Variants in EP300 observed in about 807,000 individuals in gnomAD.
EP300 encodes EP300 lysine acetyltransferase.
A neutral mutation model predicts 264.0 loss-of-function variants in EP300; 31 were observed. The observed-to-expected ratio is 0.12, with a 90% CI of 0.09 to 0.16. EP300 has a LOEUF of 0.16. Among genes scored for constraint, EP300 ranks in the 10% least tolerant of loss-of-function variants. The probability of loss-of-function intolerance (pLI) is 1.00; values close to 1 mark genes in which losing one functional copy is unlikely to be tolerated. For synonymous variants in EP300, 1,340 were observed against 1,045.4 expected (o/e 1.28, Z -5.44); for missense variants, 2,766 against 3,052.9 (o/e 0.91, Z 2.21).
At chr22:41,134,170 T>C (rs2058936636) in intron 6 of EP300, among the ~76,000 whole-genome samples, 2 of 150,920 alleles carry the variant, frequency 1.3e-5, no homozygotes, top group South Asian at 4.2e-4. Flanking sequence ...TTTCTTTTTT[T>C]TTTTTTTTTT....
intron 28 of EP300, among the ~76,000 whole-genome samples, chr22:41,173,050 C>T (rs2145771178): frequency 6.6e-6 from 1 of 152,248 alleles, no homozygotes; most frequent in East Asian, 1.9e-4. Flanking sequence ...AAAAACCATT[C>T]TTAGCTATAC....
intron 18 of EP300, among the ~76,000 whole-genome samples, chr22:41,157,900 C>T (rs2145748751): frequency 6.6e-6 from 1 of 152,258 alleles, no homozygotes; most frequent in South Asian, 2.1e-4. Context: ...GGCATTTTTT[C>T]AGAGTGGCAA....
chr22:41,093,013 G>A lies in EP300; in HGVS notation c.9G>A (p.Glu3=), dbSNP rs2058682150. The change falls in exon 1 of 31, where the codon GAG becomes GAA. Residue 3 remains glutamate (E), a synonymous_variant. Transcript: ENST00000263253. Reference sequence around the variant, plus strand: ...CTCCGAAAGAATTAAAAATGGCCGAGAATGTGGTGGAACCGGGGCCGCCTT... The same window carrying A: ...CTCCGAAAGAATTAAAAATGGCCGAAAATGTGGTGGAACCGGGGCCGCCTT... The part of the protein sequence containing the change: MA[E]NVVEPGPPSA... The A allele has an allele frequency of 6.2e-7, 1 of 1,614,140 alleles. No homozygotes were observed. The highest frequency in any genetic ancestry group is 8.5e-7 in the Non-Finnish European group (1 of 1,180,030).
chr22:41,096,699 A>G (rs772824857), intron 1 of EP300, among the ~76,000 whole-genome samples: 19 of 149,546 alleles, frequency 1.3e-4, no homozygotes, highest in African/African-American at 2.5e-4. Flanking sequence ...GCTCACTGCA[A>G]TCTCAACCTC....
intron 1 of EP300, among the ~76,000 whole-genome samples, chr22:41,098,401 T>G (rs2058713596): frequency 6.6e-6 from 1 of 152,236 alleles, no homozygotes; most frequent in Admixed American, 6.5e-5. Flanking sequence ...AGACGGAGTC[T>G]CGCTCTGTCG....
intron 11 of EP300, among the ~76,000 whole-genome samples, chr22:41,147,167 G>T (rs59568053): frequency 4.6e-5 from 7 of 151,958 alleles, no homozygotes; most frequent in Non-Finnish European, 7.4e-5. Context: ...TTAGCCGGTT[G>T]TAGTGGCACG....
intron 19 of EP300, 62 bp from the exon 20 acceptor site, chr22:41,160,580 T>A: frequency 6.4e-7 from 1 of 1,556,792 alleles, no homozygotes; most frequent in Middle Eastern, 1.7e-4. Flanking sequence ...GCTTCGTTGC[T>A]TGGCTTGGGC....
At chr22:41,148,820 C>T in intron 12 of EP300, 2 of 597,058 alleles carry the variant, frequency 3.3e-6, no homozygotes, top group South Asian at 4.0e-5. Flanking sequence ...TTGGAGTAGG[C>T]CTAGGTAAAC....
intron 20 of EP300, among the ~76,000 whole-genome samples, chr22:41,161,566 G>A (rs1043649197): frequency 1.3e-5 from 2 of 152,168 alleles, no homozygotes; most frequent in African/African-American, 2.4e-5. Context: ...GCAGTGAGCT[G>A]AGATTGGGCC....
chr22:41,112,445 C>T (rs2058797715), intron 1 of EP300, among the ~76,000 whole-genome samples: 1 of 151,912 alleles, frequency 6.6e-6, no homozygotes, highest in Non-Finnish European at 1.5e-5. Flanking sequence ...GTGATCTGCC[C>T]ACCTTGGCCT....
chr22:41,123,264 GT>G (rs2058862238), intron 2 of EP300, among the ~76,000 whole-genome samples: 1 of 152,164 alleles, frequency 6.6e-6, no homozygotes, highest in South Asian at 2.1e-4. Context: ...ATGTGCTACT[GT>G]TCAGTTGTAG....
chr22:41,125,194 C>G (rs1328648820), intron 2 of EP300, among the ~76,000 whole-genome samples: 1 of 146,436 alleles, frequency 6.8e-6, no homozygotes, highest in Non-Finnish European at 1.5e-5. Flanking sequence ...TCTCGGCTCA[C>G]TGCAAGCTCC....
At chr22:41,147,481 T>G (rs1353764316) in intron 11 of EP300, among the ~76,000 whole-genome samples, 1 of 152,160 alleles carries the variant, frequency 6.6e-6, no homozygotes, top group East Asian at 1.9e-4. Flanking sequence ...CTCACGCCTG[T>G]AATCCCAGCA....
chr22:41,172,899 TA>T (rs1055880940), intron 28 of EP300, among the ~76,000 whole-genome samples: 10 of 152,194 alleles, frequency 6.6e-5, no homozygotes, highest in African/African-American at 2.4e-4. Flanking sequence ...TGTGAAATGA[TA>T]AAAGAAACTG....
intron 1 of EP300, among the ~76,000 whole-genome samples, chr22:41,102,034 T>C (rs189977686): frequency 2.6e-4 from 39 of 150,914 alleles, no homozygotes; most frequent in Middle Eastern, 6.8e-3. Context: ...CTTTTCTTTT[T>C]TTTTTTTTTT....
chr22:41,176,223 AAAAAG>A lies in EP300; in HGVS notation c.4780-22_4780-18del. ...TGACAGAGCGAGGCCCTGTCTCAAA[AAAAAG>A]AGACTGTCTGTTTTTCAGGTCTTCT... On this transcript the variant is annotated intron_variant, in intron 29 of 30. Coordinates refer to ENST00000263253, the MANE Select transcript of EP300 (RefSeq NM_001429.4). 1 of 1,614,036 alleles carries A rather than the reference AAAAAG, an allele frequency of 6.2e-7. No homozygotes were observed. The highest frequency in any genetic ancestry group is 8.5e-7 in the Non-Finnish European group (1 of 1,179,976).
chr22:41,119,319 ATCCT>A (rs2058839691), intron 2 of EP300, among the ~76,000 whole-genome samples: 1 of 151,252 alleles, frequency 6.6e-6, no homozygotes, highest in Non-Finnish European at 1.5e-5. Flanking sequence ...CACTGCACCC[ATCCT>A]CTGACACTTT....
intron 6 of EP300, 101 bp downstream of exon 6, chr22:41,131,734 AT>A: frequency 6.4e-7 from 1 of 1,556,444 alleles, no homozygotes; most frequent in Non-Finnish European, 8.8e-7. Flanking sequence ...CTGCTACATG[AT>A]TTTTTAAGTA....
At chr22:41,121,470 G>T (rs1031487109) in intron 2 of EP300, among the ~76,000 whole-genome samples, 1 of 152,174 alleles carries the variant, frequency 6.6e-6, no homozygotes, top group Non-Finnish European at 1.5e-5. Context: ...TTCCTCAGCA[G>T]ATCTGTGTGG....
Sources: gnomAD v4.1 joint callset for allele counts (sites outside exome capture counted in the v4.1 genomes callset) on GRCh38, gnomAD v4.1.1 for gene constraint, MANE v1.5 for transcripts, NCBI Gene and HGNC (gene_info 2026-07-23, HGNC 2026-07-21) for gene names.